Variants in GPR139 observed in about 807,000 individuals in gnomAD.
GPR139 encodes the protein probable G protein-coupled receptor 139.
Under a neutral mutation model 25.8 loss-of-function variants are expected in GPR139, and 12 were observed. That is an observed-to-expected ratio of 0.47 (90% confidence interval 0.30 to 0.75). GPR139 has a LOEUF of 0.75. Ranked by LOEUF, GPR139 falls within the 30% of genes least tolerant of loss-of-function variation. The pLI, the probability that GPR139 is intolerant of heterozygous loss-of-function variation, is 0.07. For missense variants in GPR139, 380 were observed against 450.2 expected (o/e 0.84, Z 1.41); for synonymous variants, 184 against 179.9 (o/e 1.02, Z -0.18).
At chr16:20,067,390 C>A (rs2057438484) in intron 1 of GPR139, among the ~76,000 whole-genome samples, 1 of 152,194 alleles carries the variant, frequency 6.6e-6, no homozygotes, top group Non-Finnish European at 1.5e-5. Context: ...CAGATCAAAC[C>A]TGGAATGATG....
rs115659670 is a variant in GPR139, at chr16:20,060,688, A to G, written c.127+12802T>C. On this transcript the variant is annotated intron_variant, in intron 1 of 1. Coordinates refer to ENST00000570682, the MANE Select transcript of GPR139 (RefSeq NM_001002911.4). ...AATGTATTGTCCCAACTCAGGGTCA[A>G]TTTACCTGCTTTTACAAGGTGCTGG... Among the ~76,000 whole-genome samples the G allele has an allele frequency of 3.5e-3, 527 of 152,230 alleles. 2 individuals carry two copies. The highest frequency in any genetic ancestry group is 0.012 in the African/African-American group (507 of 41,542).
At chr16:20,053,513 C>T (rs2057379116) in intron 1 of GPR139, among the ~76,000 whole-genome samples, 1 of 152,142 alleles carries the variant, frequency 6.6e-6, no homozygotes, top group South Asian at 2.1e-4. Context: ...AACTGTAAAA[C>T]GACAGGCTTG....
intron 1 of GPR139, 75 bp from the exon 2 acceptor site, chr16:20,032,744 T>TCCC: frequency 1.8e-6 from 2 of 1,083,984 alleles, no homozygotes; most frequent in Non-Finnish European, 2.7e-6. Context: ...GCCCTAGGCA[T>TCCC]ATGTTTATTT....
At chr16:20,034,638 C>T (rs1173567507) in intron 1 of GPR139, among the ~76,000 whole-genome samples, 1 of 152,182 alleles carries the variant, frequency 6.6e-6, no homozygotes, top group Non-Finnish European at 1.5e-5. Context: ...CTCCAGGGCT[C>T]AAGTGACCCT....
chr16:20,072,842 G>A lies in GPR139; in HGVS notation c.127+648C>T, dbSNP rs922627366. On this transcript the variant is annotated intron_variant, in intron 1 of 1. Coordinates refer to ENST00000570682, the MANE Select transcript of GPR139 (RefSeq NM_001002911.4). ...GTGACCCCCTGAGGTGGCAGCCACC[G>A]CAGGCTGCCCTGTGTGTCTCTGCAC... Among the ~76,000 whole-genome samples the A allele has an allele frequency of 2.6e-5, 4 of 152,300 alleles. No individual in the cohort carries two copies. The East Asian group carries it at 7.7e-4, about 29-fold the overall frequency.
chr16:20,028,588 G>C lies in GPR139; in HGVS notation c.*3147C>G, dbSNP rs2057276078. On this transcript the variant is annotated 3_prime_UTR_variant, in exon 2 of 2. Transcript: ENST00000570682. ...GTAGGCTCCCCATGTTGAACCAGGAGGTACCAAATGTGCAAAGTGATCTTT... is the reference window on the plus strand; with the variant it reads ...GTAGGCTCCCCATGTTGAACCAGGACGTACCAAATGTGCAAAGTGATCTTT... Among the ~76,000 whole-genome samples the C allele has an allele frequency of 6.6e-6, 1 of 152,062 alleles. No individual in the cohort carries two copies. The highest frequency in any genetic ancestry group is 2.4e-5 in the African/African-American group (1 of 41,402).
intron 1 of GPR139, among the ~76,000 whole-genome samples, chr16:20,034,250 C>T (rs2057302285): frequency 6.6e-6 from 1 of 152,160 alleles, no homozygotes; most frequent in South Asian, 2.1e-4. Context: ...CTCTTCCTTT[C>T]TTGGTAGCCA....
intron 1 of GPR139, among the ~76,000 whole-genome samples, chr16:20,062,251 G>A (rs1286414855): frequency 6.6e-6 from 1 of 152,166 alleles, no homozygotes; most frequent in Non-Finnish European, 1.5e-5. Flanking sequence ...CTAGGAAATG[G>A]GGTTTTTGGG....
At chr16:20,062,891 T>C (rs2057418904) in intron 1 of GPR139, among the ~76,000 whole-genome samples, 1 of 152,224 alleles carries the variant, frequency 6.6e-6, no homozygotes, top group South Asian at 2.1e-4. Context: ...AAATCTGCTG[T>C]GTATTTCATG....
intron 1 of GPR139, among the ~76,000 whole-genome samples, chr16:20,059,923 G>A (rs928229339): frequency 2.0e-5 from 3 of 152,206 alleles, no homozygotes; most frequent in Non-Finnish European, 4.4e-5. Flanking sequence ...GGAAGAAGGG[G>A]TGTTCTGGAA....
At chr16:20,049,695 T>C (rs1298753646) in intron 1 of GPR139, among the ~76,000 whole-genome samples, 1 of 152,194 alleles carries the variant, frequency 6.6e-6, no homozygotes, top group African/African-American at 2.4e-5. Context: ...CTTCATGGGG[T>C]TGAATTCCAG....
intron 1 of GPR139, among the ~76,000 whole-genome samples, chr16:20,043,643 T>A (rs1407832619): frequency 6.6e-6 from 1 of 152,186 alleles, no homozygotes; most frequent in Non-Finnish European, 1.5e-5. Flanking sequence ...ATGAGGAAAC[T>A]GGTATTCAGA....
intron 1 of GPR139, 69 bp from the exon 2 acceptor site, chr16:20,032,738 T>G: frequency 1.8e-6 from 2 of 1,115,512 alleles, no homozygotes; most frequent in African/African-American, 1.6e-5. Context: ...ATGGGGGCCC[T>G]AGGCATATGT....
chr16:20,056,398 C>T (rs147886261), intron 1 of GPR139, among the ~76,000 whole-genome samples: 1 of 152,298 alleles, frequency 6.6e-6, no homozygotes, highest in Non-Finnish European at 1.5e-5. Context: ...AACGAAAGAA[C>T]AATGGAAGGT....
chr16:20,070,099 T>C (rs563284434), intron 1 of GPR139, among the ~76,000 whole-genome samples: 62 of 152,356 alleles, frequency 4.1e-4, no homozygotes, highest in Non-Finnish European at 8.1e-4. Flanking sequence ...AAAATTGCAC[T>C]GTTTGCCTTA....
intron 1 of GPR139, among the ~76,000 whole-genome samples, chr16:20,064,102 TA>T (rs947145397): frequency 1.3e-5 from 2 of 152,160 alleles, no homozygotes. Flanking sequence ...AAGCAACCCT[TA>T]ATCTAATAAT....
chr16:20,041,017 C>G (rs147782100), intron 1 of GPR139, among the ~76,000 whole-genome samples: 230 of 151,260 alleles, frequency 1.5e-3, no homozygotes, highest in Non-Finnish European at 2.8e-3. Flanking sequence ...AAAAGCATCT[C>G]TCCCTTTGCT....
chr16:20,052,914 G>T (rs2057377456), intron 1 of GPR139, among the ~76,000 whole-genome samples: 1 of 151,758 alleles, frequency 6.6e-6, no homozygotes, highest in Non-Finnish European at 1.5e-5. Flanking sequence ...GGTTTGTTAC[G>T]TAGATAAATG....
At chr16:20,065,565 C>A (rs1176374268) in intron 1 of GPR139, among the ~76,000 whole-genome samples, 1 of 152,080 alleles carries the variant, frequency 6.6e-6, no homozygotes, top group South Asian at 2.1e-4. Flanking sequence ...CTCAAAGAAT[C>A]GTCAAAGAAT....
Sources: allele counts gnomAD v4.1 joint callset (sites outside exome capture counted in the v4.1 genomes callset), GRCh38; gene constraint gnomAD v4.1.1; transcripts MANE v1.5; gene names NCBI Gene and HGNC (gene_info 2026-07-23, HGNC 2026-07-21).